The following SRP19 variants were observed in gnomAD, a reference collection of about 807,000 sequenced individuals.
SRP19 encodes signal recognition particle 19, also known as signal recognition particle 19 kDa protein.
Under a neutral mutation model 22.4 loss-of-function variants are expected in SRP19, and 11 were observed. The ratio of observed to expected loss-of-function variants is 0.49; its 90% CI spans 0.31 to 0.81. SRP19 has a LOEUF of 0.81. SRP19 is among the 40% of genes least tolerant of loss of function. The pLI is 0.05. For synonymous variants in SRP19, 61 were observed against 57.6 expected, an observed-to-expected ratio of 1.06 and a Z score of -0.27; for missense variants, 168 against 175.9, an observed-to-expected ratio of 0.96 and a Z score of 0.25.
chr5:112,878,784 G>C (rs1440520020), intron 4 of SRP19: 16 of 1,614,022 alleles, frequency 9.9e-6, no homozygotes, highest in African/African-American at 1.3e-5. Flanking sequence ...ATCCAGTCTG[G>C]TTTAGGTGCT....
At chr5:112,872,322 C>CT (rs759571945), downstream of SRP19, among the ~76,000 whole-genome samples, 1,781 of 92,630 alleles carry the variant, frequency 0.019, 58 homozygotes, top group African/African-American at 0.046. Context: ...CCAAATGATT[C>CT]TTTTTTTTTT....
chr5:112,861,567 C>G (rs2150023988), intron 1 of SRP19, 150 bp downstream of exon 1: 2 of 782,144 alleles, frequency 2.6e-6, no homozygotes, highest in Non-Finnish European at 4.0e-6. Context: ...CCTGGCAGCT[C>G]GTTTTTCTGA....
At chr5:112,874,252 G>C (rs955378844), downstream of SRP19, among the ~76,000 whole-genome samples, 3 of 152,140 alleles carry the variant, frequency 2.0e-5, no homozygotes, top group Non-Finnish European at 4.4e-5. Context: ...CCAAGGCAGT[G>C]GATCACTTGA....
At position 112,884,312 on chromosome 5, in the gene SRP19, C is replaced by T. The variant is rs61431998; in HGVS notation, c.302-7291C>T. On this transcript the variant is annotated intron_variant, in intron 4 of 4. Coordinates refer to the SRP19 transcript ENST00000391338. ...CCTCTAGATCACTTCTTTTGTTGCTCCCACCTCCGGACTTCTGTATATGCA... is the reference window on the plus strand; with the variant it reads ...CCTCTAGATCACTTCTTTTGTTGCTTCCACCTCCGGACTTCTGTATATGCA... Among the ~76,000 whole-genome samples the T allele has an allele frequency of 6.6e-3, 1,005 of 152,236 alleles. 14 individuals carry two copies. The highest frequency in any genetic ancestry group is 0.023 in the African/African-American group (954 of 41,516).
In SRP19 at chr5:112,867,450, A is replaced by T. The variant is rs1350990708; in HGVS notation, c.348A>T (p.Lys116Asn). The T allele has an allele frequency of 1.9e-6, 3 of 1,613,930 alleles. No homozygotes were observed. In the Admixed American group the frequency reaches 5.0e-5, roughly 27 times the overall value. ...LYAAEMIPKL[K>N]TRTQKTGGAD... ...CAGCAGAAATGATACCTAAACTAAAAACAAGGACACAAAAAACAGGAGGTG... is the reference window on the plus strand; with the variant it reads ...CAGCAGAAATGATACCTAAACTAAATACAAGGACACAAAAAACAGGAGGTG... Residue 116 changes from lysine to asparagine, a missense_variant, in exon 5 of 5, where the codon AAA becomes AAT. Transcript: ENST00000505459.
At position 112,868,376 on chromosome 5, in the gene SRP19, G is replaced by A; in HGVS notation, c.*839G>A. 1.0e-6 allele frequency: 1 copy of A among 999,950 alleles called. No individual in the cohort carries two copies. The highest frequency in any genetic ancestry group is 1.2e-6 in the Non-Finnish European group (1 of 841,456). The allele number at this position is 999,950 out of a possible 1,614,324, so 61.9% of individuals were successfully genotyped here. A position where few individuals can be genotyped will look rare whatever the true frequency, so the allele number is the denominator to read the frequency against. On this transcript the variant is annotated 3_prime_UTR_variant, in exon 5 of 5. Transcript: ENST00000505459. The stretch of plus-strand genomic sequence containing the variant: ...TTCTGCAAGCTATCTCATATTTTCA[G>A]TAAATTCCATTTTTTTTAAGTTTGT...
chr5:112,862,001 C>G (rs1420388340), intron 1 of SRP19, among the ~76,000 whole-genome samples: 2 of 152,140 alleles, frequency 1.3e-5, no homozygotes, highest in African/African-American at 2.4e-5. Flanking sequence ...GCAATGATGA[C>G]GACTACCACG....
intron 4 of SRP19, chr5:112,887,329 G>A: frequency 1.4e-6 from 1 of 736,112 alleles, no homozygotes; most frequent in Non-Finnish European, 2.0e-6. Context: ...GCAGGTTAAA[G>A]GTGGGCTTTC....
exon 5 of SRP19, chr5:112,892,469 T>A: frequency 6.2e-7 from 1 of 1,614,162 alleles, no homozygotes; most frequent in Non-Finnish European, 8.5e-7. Context: ...AATGTATATG[T>A]TCAGTACCAG....
In SRP19 at chr5:112,888,421, C is replaced by A. The variant is rs542150395; in HGVS notation, c.302-3182C>A. ...TAAAAAACAAAACCCAAGTTCTCAA[C>A]AATATCTCCAGATTATTCTTTCTGA... On this transcript the variant is annotated intron_variant, in intron 4 of 4. Transcript: ENST00000391338. Among the ~76,000 whole-genome samples the A allele has an allele frequency of 1.7e-3, 258 of 152,294 alleles. 2 individuals are homozygous for A. The highest frequency in any genetic ancestry group is 0.015 in the South Asian group (70 of 4,820).
downstream of SRP19, chr5:112,894,523 A>C (rs1233186773): frequency 6.6e-6 from 1 of 152,244 alleles, no homozygotes; most frequent in Non-Finnish European, 1.5e-5. Flanking sequence ...GATATGCAGG[A>C]AATGTCTTGA....
At chr5:112,866,199 C>T (rs1240761111) in intron 4 of SRP19, among the ~76,000 whole-genome samples, 1 of 151,816 alleles carries the variant, frequency 6.6e-6, no homozygotes, top group African/African-American at 2.4e-5. Flanking sequence ...TCACCGCAAC[C>T]TCCGCCTCCC....
downstream of SRP19, chr5:112,896,527 C>CA (rs1313196535): frequency 2.0e-5 from 3 of 151,268 alleles, no homozygotes; most frequent in Admixed American, 6.6e-5. Flanking sequence ...AACTCCATCT[C>CA]AAAAAAAAGA....
chr5:112,871,194 A>G (rs979977267), downstream of SRP19, among the ~76,000 whole-genome samples: 1 of 151,376 alleles, frequency 6.6e-6, no homozygotes, highest in Non-Finnish European at 1.5e-5. Flanking sequence ...TATTGCTGTA[A>G]CAATATATTG....
chr5:112,865,955 G>A (rs1026561114), intron 4 of SRP19, among the ~76,000 whole-genome samples: 1 of 152,040 alleles, frequency 6.6e-6, no homozygotes, highest in Non-Finnish European at 1.5e-5. Flanking sequence ...TCAAACTCAA[G>A]CAATCTTCCC....
downstream of SRP19, chr5:112,894,192 T>G (rs1768604677): frequency 6.6e-6 from 1 of 150,812 alleles, no homozygotes; most frequent in African/African-American, 2.4e-5. Flanking sequence ...CGTGATCAGC[T>G]CACTGCAACC....
intron 2 of SRP19, among the ~76,000 whole-genome samples, chr5:112,863,326 T>C (rs1465274251): frequency 6.6e-6 from 1 of 152,228 alleles, no homozygotes; most frequent in Non-Finnish European, 1.5e-5. Flanking sequence ...ACCTACATAT[T>C]TGAATGTAGT....
downstream of SRP19, chr5:112,895,236 T>TAAAAA (rs1768643761): frequency 3.7e-4 from 1 of 2,714 alleles, no homozygotes; most frequent in Non-Finnish European, 7.9e-4. Flanking sequence ...AGACTCTGTC[T>TAAAAA]CAAAAAAAAA....
intron 4 of SRP19, chr5:112,887,010 C>A: frequency 6.3e-7 from 1 of 1,594,878 alleles, no homozygotes; most frequent in South Asian, 1.1e-5. Flanking sequence ...GTTCCTGAGT[C>A]TTACCTTCTT....
Sources: gnomAD v4.1 joint callset for allele counts (sites outside exome capture counted in the v4.1 genomes callset) on GRCh38, gnomAD v4.1.1 for gene constraint, MANE v1.5 for transcripts, NCBI Gene and HGNC (gene_info 2026-07-23, HGNC 2026-07-21) for gene names.